The following SV2C variants were observed in gnomAD, a reference collection of about 807,000 sequenced individuals.
SV2C encodes solute carrier family 22 member B3.
SV2C carries 49 observed loss-of-function variants against 79.7 expected under a neutral mutation model. The ratio of observed to expected loss-of-function variants is 0.61; its 90% CI spans 0.49 to 0.78. SV2C has a LOEUF of 0.78. Among genes scored for constraint, SV2C ranks in the 30% least tolerant of loss-of-function variants. The pLI, the probability that SV2C is intolerant of heterozygous loss-of-function variation, is 0.00. For missense variants in SV2C, 833 were observed against 912.9 expected, an observed-to-expected ratio of 0.91 and a Z score of 1.13; for synonymous variants, 334 against 333.2, an observed-to-expected ratio of 1.00 and a Z score of -0.03.
chr5:76,188,961 G>A (rs1396363335), intron 2 of SV2C, among the ~76,000 whole-genome samples: 1 of 151,766 alleles, frequency 6.6e-6, no homozygotes, highest in African/African-American at 2.4e-5. Flanking sequence ...CAGTGATTAG[G>A]TGGGGAGGGT....
chr5:76,341,874 G>A (rs1444909047), intron 12 of SV2C, among the ~76,000 whole-genome samples: 5 of 152,120 alleles, frequency 3.3e-5, no homozygotes, highest in African/African-American at 1.2e-4. Context: ...TGGGGAGGGG[G>A]TGGAACCTTG....
the SV2C span, among the ~76,000 whole-genome samples, chr5:75,900,723 A>C: frequency 6.6e-6 from 1 of 152,204 alleles, no homozygotes; most frequent in Admixed American, 6.5e-5. Context: ...ATTGTACACC[A>C]ATCAGATGTA....
chr5:76,081,562 A>C (rs1437837063), upstream of SV2C, among the ~76,000 whole-genome samples: 3 of 152,232 alleles, frequency 2.0e-5, no homozygotes, highest in African/African-American at 7.2e-5. Flanking sequence ...TAATTATTTT[A>C]CTAAGAAGAA....
the SV2C span, among the ~76,000 whole-genome samples, chr5:76,021,910 A>G: frequency 1.2e-3 from 185 of 152,282 alleles, 2 homozygotes; most frequent in East Asian, 0.029. Flanking sequence ...CTGTTCTTAC[A>G]GTCAAAATCA....
chr5:76,062,951 A>G, the SV2C span, among the ~76,000 whole-genome samples: 1 of 152,126 alleles, frequency 6.6e-6, no homozygotes, highest in African/African-American at 2.4e-5. Flanking sequence ...TGTTATGGAG[A>G]AACGTGGAGT....
At chr5:75,971,391 GT>G in the SV2C span, among the ~76,000 whole-genome samples, 1 of 152,098 alleles carries the variant, frequency 6.6e-6, no homozygotes. Flanking sequence ...AATTGTCCCT[GT>G]TTGCAGATGA....
intron 4 of SV2C, among the ~76,000 whole-genome samples, chr5:76,223,132 C>A (rs942815539): frequency 6.6e-6 from 1 of 151,992 alleles, no homozygotes; most frequent in African/African-American, 2.4e-5. Flanking sequence ...GAGACCTAAG[C>A]CTTCATCATT....
chr5:76,059,679 C>T, the SV2C span, among the ~76,000 whole-genome samples: 1 of 152,032 alleles, frequency 6.6e-6, no homozygotes, highest in East Asian at 1.9e-4. Context: ...TGAGAGTTGG[C>T]ATCAATTTCT....
the SV2C span, among the ~76,000 whole-genome samples, chr5:75,969,552 C>A: frequency 1.1e-4 from 17 of 152,174 alleles, no homozygotes; most frequent in African/African-American, 3.9e-4. Context: ...GACTTTAAAC[C>A]AACGAAGATC....
chr5:75,931,882 C>T, the SV2C span, among the ~76,000 whole-genome samples: 6 of 152,138 alleles, frequency 3.9e-5, no homozygotes, highest in Non-Finnish European at 7.4e-5. Context: ...AATTTCTCCA[C>T]GTCGCTCCAC....
At chr5:75,939,720 G>T in the SV2C span, among the ~76,000 whole-genome samples, 139 of 152,176 alleles carry the variant, frequency 9.1e-4, no homozygotes, top group Middle Eastern at 6.8e-3. Flanking sequence ...AGCATCACAT[G>T]ACTTGAAATG....
At chr5:75,964,883 C>T in the SV2C span, among the ~76,000 whole-genome samples, 1 of 152,002 alleles carries the variant, frequency 6.6e-6, no homozygotes, top group Non-Finnish European at 1.5e-5. Flanking sequence ...GTTACTTTTG[C>T]AACAATTACA....
Position 76,231,723 on chromosome 5 carries a change from C to T in SV2C, c.913+21836C>T, listed in dbSNP as rs200361466. Among the ~76,000 whole-genome samples, 524 of 132,644 alleles carry T rather than the reference C, an allele frequency of 4.0e-3. 1 individual carries two copies. Among genetic ancestry groups the T allele is most frequent in the African/African-American group, 0.017 (409 of 24,350 alleles). 87.0% of individuals were successfully genotyped at this position (132,644 alleles called of 152,430 possible). On this transcript the variant is annotated intron_variant, in intron 4 of 12. Coordinates refer to ENST00000502798, the MANE Select transcript of SV2C (RefSeq NM_014979.4). Reference sequence around the variant, plus strand: ...TGTTCTTGTGATAGTTTACTGAGAACGATGATTTCCAATTTCATCCATGTC... The same window carrying T: ...TGTTCTTGTGATAGTTTACTGAGAATGATGATTTCCAATTTCATCCATGTC...
chr5:75,888,745 A>T, the SV2C span, among the ~76,000 whole-genome samples: 2 of 152,044 alleles, frequency 1.3e-5, no homozygotes, highest in Non-Finnish European at 2.9e-5. Flanking sequence ...ATTTTTTCTT[A>T]TCTGACCCTT....
the SV2C span, among the ~76,000 whole-genome samples, chr5:76,006,054 T>G: frequency 0.82 from 124,868 of 152,208 alleles, 51,463 homozygotes; most frequent in Middle Eastern, 0.91. Context: ...ACGGAAGCAG[T>G]TTCCTCAGGG....
At chr5:76,004,747 C>T in the SV2C span, among the ~76,000 whole-genome samples, 2 of 152,016 alleles carry the variant, frequency 1.3e-5, no homozygotes, top group African/African-American at 2.4e-5. Context: ...ATGATGACCC[C>T]GCGAATAAAC....
At chr5:76,312,276 AG>A in intron 12 of SV2C, among the ~76,000 whole-genome samples, 1 of 149,860 alleles carries the variant, frequency 6.7e-6, no homozygotes, top group Non-Finnish European at 1.5e-5. Flanking sequence ...GGGGGGGGAC[AG>A]GGTCTCACTC....
At chr5:75,866,515 G>C in the SV2C span, among the ~76,000 whole-genome samples, 5 of 152,188 alleles carry the variant, frequency 3.3e-5, no homozygotes, top group African/African-American at 1.2e-4. Flanking sequence ...GAATCACAGA[G>C]TTATAAGTGA....
intron 2 of SV2C, among the ~76,000 whole-genome samples, chr5:76,162,190 G>A (rs941715182): frequency 6.6e-6 from 1 of 152,116 alleles, no homozygotes; most frequent in Admixed American, 6.5e-5. Context: ...GTGATGGGAG[G>A]GGATCTTGTC....
Sources: allele counts gnomAD v4.1 joint callset (sites outside exome capture counted in the v4.1 genomes callset), GRCh38; gene constraint gnomAD v4.1.1; transcripts MANE v1.5; gene names NCBI Gene and HGNC (gene_info 2026-07-23, HGNC 2026-07-21).